AFF2: variants seen among roughly 807,000 people sequenced by gnomAD.
AFF2 encodes ALF transcription elongation factor 2, also known as AF4/FMR2 family member 2.
Under a neutral mutation model 76.9 loss-of-function variants are expected in AFF2, and 14 were observed. The ratio of observed to expected loss-of-function variants is 0.18; its 90% CI spans 0.12 to 0.28. The LOEUF (loss-of-function observed/expected upper bound fraction) is 0.28, where lower values mean the gene tolerates loss of function less well. AFF2 is among the 10% of genes least tolerant of loss of function. AFF2 has a pLI of 1.00. For missense variants in AFF2, 868 were observed against 1,001.1 expected (o/e 0.87, Z 1.79); for synonymous variants, 398 against 366.7 (o/e 1.09, Z -0.98).
rs781985665 is a variant in AFF2 at position 148,515,873 on chromosome X, T to C, written c.47+14729T>C. ...GGATGAGAGTGAGGCCAACCCCTTG[T>C]TCAGTCTCCCCACAAGTAATCATCC... On this transcript the variant is annotated intron_variant, in intron 1 of 20. Transcript: ENST00000370460. Among the ~76,000 whole-genome samples the C allele has an allele frequency of 6.3e-5, 7 of 111,819 alleles. No homozygotes were observed. In the East Asian group the frequency reaches 2.0e-3, roughly 31 times the overall value.
intron 3 of AFF2, among the ~76,000 whole-genome samples, chrX:148,673,488 T>A (rs1306689583): frequency 8.9e-6 from 1 of 111,868 alleles, no homozygotes; most frequent in Non-Finnish European, 1.9e-5. Flanking sequence ...CTCTGTGTCC[T>A]CTTCTTCTAA....
At position 148,733,883 on chromosome X, in the gene AFF2, C is replaced by T. The variant is rs1274655624; in HGVS notation, c.1041+71115C>T. ...AGTTATGCAGTGTATGGTCTATAAT[C>T]TGACAGAAGGAGACCAAAACCTACC... On this transcript the variant is annotated intron_variant, in intron 3 of 20. Coordinates refer to ENST00000370460, the MANE Select transcript of AFF2 (RefSeq NM_002025.4). Among the ~76,000 whole-genome samples, 4 of 112,435 alleles carry T rather than the reference C, an allele frequency of 3.6e-5. No individual in the cohort carries two copies. The Admixed American group carries it at 3.8e-4, about 11-fold the overall frequency.
intron 3 of AFF2, among the ~76,000 whole-genome samples, chrX:148,746,977 G>C (rs1189241244): frequency 1.8e-5 from 2 of 112,288 alleles, no homozygotes; most frequent in Admixed American, 1.9e-4. Flanking sequence ...AGATGGACTG[G>C]GGACGGGGTT....
chrX:148,895,097 G>C (rs782751400), intron 8 of AFF2, among the ~76,000 whole-genome samples: 1 of 110,882 alleles, frequency 9.0e-6, no homozygotes, highest in East Asian at 2.9e-4. Flanking sequence ...ACAAAGTTCA[G>C]CTGGAGGTTT....
intron 1 of AFF2, among the ~76,000 whole-genome samples, chrX:148,513,213 T>G (rs782604452): frequency 5.3e-4 from 60 of 112,313 alleles, no homozygotes; most frequent in Non-Finnish European, 9.8e-4. Flanking sequence ...GGTGAAAATG[T>G]GGGGATCACC....
intron 3 of AFF2, among the ~76,000 whole-genome samples, chrX:148,800,710 CT>C (rs1242680798): frequency 2.9e-4 from 32 of 110,479 alleles, no homozygotes; most frequent in Admixed American, 5.8e-4. Context: ...TGAACTCCCA[CT>C]TTTTTTTTCC....
intron 3 of AFF2, among the ~76,000 whole-genome samples, chrX:148,780,187 CT>C (rs1286718395): frequency 8.9e-6 from 1 of 111,848 alleles, no homozygotes; most frequent in Non-Finnish European, 1.9e-5. Flanking sequence ...ACATTTTTTC[CT>C]TCATTTCAAC....
chrX:148,734,006 T>C (rs782618041), intron 3 of AFF2, among the ~76,000 whole-genome samples: 19 of 112,365 alleles, frequency 1.7e-4, no homozygotes, highest in Admixed American at 1.3e-3. Context: ...ATAAACATAG[T>C]GGTGAGGGAC....
intron 1 of AFF2, among the ~76,000 whole-genome samples, chrX:148,617,982 C>A (rs183793151): frequency 5.3e-4 from 59 of 111,467 alleles, no homozygotes; most frequent in Non-Finnish European, 9.4e-4. Context: ...GGTATATATA[C>A]AATGAACCTT....
chrX:148,809,259 G>A (rs1331492552), intron 3 of AFF2, among the ~76,000 whole-genome samples: 2 of 111,990 alleles, frequency 1.8e-5, no homozygotes, highest in African/African-American at 6.5e-5. Context: ...GCAGGAAAGG[G>A]CTATGGGCCT....
intron 3 of AFF2, among the ~76,000 whole-genome samples, chrX:148,806,833 A>G (rs1044517944): frequency 4.5e-5 from 5 of 111,381 alleles, no homozygotes; most frequent in Admixed American, 9.5e-5. Context: ...TGTATTACCA[A>G]CTCTCCATGC....
intron 5 of AFF2, among the ~76,000 whole-genome samples, chrX:148,841,999 C>A (rs917997866): frequency 8.9e-6 from 1 of 112,068 alleles, no homozygotes; most frequent in Non-Finnish European, 1.9e-5. Context: ...TGTTATAGTT[C>A]TTGCTTACTT....
intron 3 of AFF2, among the ~76,000 whole-genome samples, chrX:148,774,201 A>C (rs1368239924): frequency 1.8e-5 from 2 of 112,116 alleles, no homozygotes; most frequent in Non-Finnish European, 3.8e-5. Flanking sequence ...AATGTCAGCA[A>C]AAACAATTCA....
intron 7 of AFF2, among the ~76,000 whole-genome samples, chrX:148,863,432 A>G: frequency 8.9e-6 from 1 of 111,825 alleles, no homozygotes; most frequent in African/African-American, 3.2e-5. Context: ...CTCACTTTCC[A>G]TTATCTTGGT....
At chrX:148,937,882 A>G (rs2071791221) in intron 9 of AFF2, among the ~76,000 whole-genome samples, 1 of 112,607 alleles carries the variant, frequency 8.9e-6, no homozygotes, top group African/African-American at 3.2e-5. Context: ...ATTTGTATGA[A>G]AAAGTCTGGC....
intron 3 of AFF2, among the ~76,000 whole-genome samples, chrX:148,672,445 T>C (rs1416276185): frequency 1.8e-5 from 2 of 112,164 alleles, no homozygotes; most frequent in Non-Finnish European, 3.8e-5. Context: ...AGCAAATGGC[T>C]ATGGCAGGAC....
chrX:148,708,935 G>T (rs2054923485), intron 3 of AFF2, among the ~76,000 whole-genome samples: 1 of 111,545 alleles, frequency 9.0e-6, no homozygotes, highest in South Asian at 3.7e-4. Flanking sequence ...TGTAACAAAG[G>T]TTTTAATGTA....
At chrX:148,743,678 C>T (rs1359357348) in intron 3 of AFF2, among the ~76,000 whole-genome samples, 2 of 111,030 alleles carry the variant, frequency 1.8e-5, no homozygotes, top group Non-Finnish European at 3.8e-5. Flanking sequence ...CATGTCTACT[C>T]CCCCAGTGAC....
intron 8 of AFF2, among the ~76,000 whole-genome samples, chrX:148,902,956 G>A (rs1557281035): frequency 9.0e-6 from 1 of 110,976 alleles, no homozygotes; most frequent in Non-Finnish European, 1.9e-5. Context: ...TTATTCAGTT[G>A]TTATGCATAG....
Sources: gnomAD v4.1 joint callset for allele counts (sites outside exome capture counted in the v4.1 genomes callset) on GRCh38, gnomAD v4.1.1 for gene constraint, MANE v1.5 for transcripts, NCBI Gene and HGNC (gene_info 2026-07-23, HGNC 2026-07-21) for gene names.